Variants in MSMO1 observed in about 807,000 individuals in gnomAD.
The protein encoded by MSMO1 is methylsterol monooxygenase 1.
In MSMO1, 18 loss-of-function variants were observed where a neutral mutation model predicts 30.4. The observed-to-expected ratio is 0.59, with a 90% CI of 0.41 to 0.88. The LOEUF is 0.88. Among genes scored for constraint, MSMO1 ranks in the 40% least tolerant of loss-of-function variants. The probability of loss-of-function intolerance (pLI) is 0.00; values close to 1 mark genes in which losing one functional copy is unlikely to be tolerated. For synonymous variants in MSMO1, 84 were observed against 107.9 expected, an observed-to-expected ratio of 0.78 and a Z score of 1.37; for missense variants, 284 against 340.5, an observed-to-expected ratio of 0.83 and a Z score of 1.31.
intron 5 of MSMO1, among the ~76,000 whole-genome samples, chr4:165,340,868 T>G (rs1747696905): frequency 6.6e-6 from 1 of 152,194 alleles, no homozygotes; most frequent in Non-Finnish European, 1.5e-5. Context: ...TGTTCATTAT[T>G]TTTTAATTAT....
Position 165,340,208 on chromosome 4 carries a change from CTGTT to C in MSMO1, c.532-9_532-6del, listed in dbSNP as rs779059941. ...AGCTAAGAAATTAAGAATTTCTTATCTGTTTGTCTTAGGCTCCATTTGGAATGGA... is the reference window on the plus strand; with the variant it reads ...AGCTAAGAAATTAAGAATTTCTTATCTGTCTTAGGCTCCATTTGGAATGGA... On this transcript the variant is annotated splice_polypyrimidine_tract_variant and intron_variant, in intron 4 of 5. Transcript: ENST00000261507. The C allele has an allele frequency of 6.2e-7, 1 of 1,612,590 alleles. No individual in the cohort carries two copies. The highest frequency in any genetic ancestry group is 1.1e-5 in the South Asian group (1 of 91,030).
Position 165,333,380 on chromosome 4 carries a change from A to T in MSMO1, c.10A>T (p.Asn4Tyr), listed in dbSNP as rs1436599993. MAT[N>Y]ESVSIFSSAS... ...TGCAGAGATTTGAAAAATGGCAACA[A>T]ATGAAAGTGTCAGCATCTTTAGTTC... The change falls in exon 2 of 6, where the codon AAT (asparagine) becomes TAT (tyrosine). Residue 4 changes from asparagine to tyrosine, a missense_variant. Transcript: ENST00000261507. The T allele has an allele frequency of 6.2e-7, 1 of 1,611,826 alleles. No individual in the cohort carries two copies. The highest frequency in any genetic ancestry group is 8.5e-7 in the Non-Finnish European group (1 of 1,179,800).
chr4:165,331,131 C>A (rs1747376818), intron 1 of MSMO1, among the ~76,000 whole-genome samples: 1 of 151,728 alleles, frequency 6.6e-6, no homozygotes, highest in South Asian at 2.1e-4. Context: ...TAGGGTGACC[C>A]CTGTCTCCAC....
Position 165,337,938 on chromosome 4 carries a change from G to T in MSMO1, c.404+1G>T. 6.2e-7 allele frequency: 1 copy of T among 1,613,092 alleles called. No individual in the cohort carries two copies. The highest frequency in any genetic ancestry group is 1.3e-5 in the African/African-American group (1 of 74,982). On this transcript the variant is annotated splice_donor_variant, in intron 3 of 5. Transcript: ENST00000261507. LOFTEE classifies it high-confidence loss of function. ...ATGATTGGGAAAGAATGCCAAGATG[G>T]TACGTAGATAAAAATTTGGCTTTTA...
chr4:165,332,371 CTTAA>C (rs1419712087), intron 1 of MSMO1, among the ~76,000 whole-genome samples: 1 of 152,248 alleles, frequency 6.6e-6, no homozygotes, highest in East Asian at 1.9e-4. Context: ...TATGGAAGGA[CTTAA>C]TTTATTTAAC....
rs1747636093 is a variant in MSMO1 at position 165,338,859 on chromosome 4, TG to T, written c.531+83del. 3 of 1,201,578 alleles carry T rather than the reference TG, an allele frequency of 2.5e-6. No individual in the cohort carries two copies. The African/African-American group carries it at 4.6e-5, about 18-fold the overall frequency. 74.4% of individuals were successfully genotyped at this position (1,201,578 alleles called of 1,614,324 possible). A position where few individuals can be genotyped will look rare whatever the true frequency, so the allele number is the denominator to read the frequency against. On this transcript the variant is annotated intron_variant, in intron 4 of 5. Coordinates refer to ENST00000261507, the MANE Select transcript of MSMO1 (RefSeq NM_006745.5). ...TGCCTGAGCATTTTTCTAAAATTGT[TG>T]GTGACGTTTTTATTTTCTTTTCCTT...
At chr4:165,332,246 C>T (rs1293918634) in intron 1 of MSMO1, among the ~76,000 whole-genome samples, 1 of 152,182 alleles carries the variant, frequency 6.6e-6, no homozygotes, top group Non-Finnish European at 1.5e-5. Flanking sequence ...AAGTGGGGCT[C>T]TTGCTATGCA....
chr4:165,342,518 C>T lies in MSMO1; in HGVS notation c.*572C>T, dbSNP rs113426622. On this transcript the variant is annotated 3_prime_UTR_variant, in exon 6 of 6. Coordinates refer to ENST00000261507, the MANE Select transcript of MSMO1 (RefSeq NM_006745.5). ...GATTACAGGCACCCGCCACCACGCC[C>T]AGCTAATTTTTGTATTTTTGTAGAG... is the stretch of plus-strand genomic sequence containing the variant. 6.6e-6 allele frequency: 1 copy of T among 152,448 alleles called. No individual in the cohort carries two copies. The highest frequency in any genetic ancestry group is 1.5e-5 in the Non-Finnish European group (1 of 68,318). The allele number at this position is 152,448 out of a possible 1,614,324, so 9.4% of individuals were successfully genotyped here. A position where few individuals can be genotyped will look rare whatever the true frequency, so the allele number is the denominator to read the frequency against.
intron 4 of MSMO1, 105 bp downstream of exon 4, chr4:165,338,883 C>A: frequency 1.1e-6 from 1 of 920,286 alleles, no homozygotes. Flanking sequence ...TTTTCTTTTC[C>A]TTTGGCATGA....
At chr4:165,331,975 T>C (rs1002168904) in intron 1 of MSMO1, among the ~76,000 whole-genome samples, 5 of 151,626 alleles carry the variant, frequency 3.3e-5, no homozygotes, top group African/African-American at 1.2e-4. Flanking sequence ...GTCGCCACTC[T>C]GTCTTCCATA....
intron 2 of MSMO1, among the ~76,000 whole-genome samples, chr4:165,336,852 A>G (rs1269625531): frequency 1.3e-5 from 2 of 152,226 alleles, no homozygotes; most frequent in African/African-American, 4.8e-5. Flanking sequence ...AAGAATTTCA[A>G]GAACAGAGCT....
At chr4:165,339,096 C>CTT (rs869192459) in intron 4 of MSMO1, among the ~76,000 whole-genome samples, 18,545 of 59,732 alleles carry the variant, frequency 0.31, 5,012 homozygotes, top group East Asian at 0.62. Context: ...ATGAGCACTG[C>CTT]TTTTTTTTTT....
At chr4:165,341,453 A>G (rs1351307535) in intron 5 of MSMO1, among the ~76,000 whole-genome samples, 1 of 152,178 alleles carries the variant, frequency 6.6e-6, no homozygotes, top group Non-Finnish European at 1.5e-5. Flanking sequence ...AAGAAAATTA[A>G]TTCTTAAAAA....
intron 3 of MSMO1, among the ~76,000 whole-genome samples, chr4:165,338,253 A>T (rs114036250): frequency 0.035 from 5,286 of 151,116 alleles, 293 homozygotes; most frequent in African/African-American, 0.12. Flanking sequence ...ATATATGAGA[A>T]TCATTTATGA....
In MSMO1 at chr4:165,341,705, T is replaced by TTG. The variant is rs1364896433; in HGVS notation, c.687-45_687-44dup. 13 of 1,486,054 alleles carry TTG rather than the reference T, an allele frequency of 8.7e-6. No individual in the cohort carries two copies. The Admixed American group carries it at 1.0e-4, about 11-fold the overall frequency. The allele number at this position is 1,486,054 out of a possible 1,614,324, so 92.1% of individuals were successfully genotyped here. ...GATTATTAATAAAAACAACAATCATTTGAGATGTATTTATTCCTTAATAAT... is the reference window on the plus strand; with the variant it reads ...GATTATTAATAAAAACAACAATCATTTGTGAGATGTATTTATTCCTTAATAAT... On this transcript the variant is annotated intron_variant, in intron 5 of 5. Coordinates refer to ENST00000261507, the MANE Select transcript of MSMO1 (RefSeq NM_006745.5).
chr4:165,334,966 A>T (rs1747499795), intron 2 of MSMO1, among the ~76,000 whole-genome samples: 1 of 152,210 alleles, frequency 6.6e-6, no homozygotes, highest in African/African-American at 2.4e-5. Context: ...GAACATGTAC[A>T]GTCTTTTTTT....
chr4:165,340,012 T>G (rs1254090261), intron 4 of MSMO1, among the ~76,000 whole-genome samples: 1 of 152,200 alleles, frequency 6.6e-6, no homozygotes, highest in Non-Finnish European at 1.5e-5. Flanking sequence ...TTCAAATGAT[T>G]GGATGAAGCC....
chr4:165,336,237 A>T (rs919802765), intron 2 of MSMO1, among the ~76,000 whole-genome samples: 3 of 68,176 alleles, frequency 4.4e-5, no homozygotes, highest in African/African-American at 9.3e-5. Flanking sequence ...TATTTCTTTA[A>T]AAAAAAAAAA....
intron 1 of MSMO1, 114 bp from the exon 2 acceptor site, chr4:165,333,226 T>G: frequency 1.2e-6 from 1 of 832,576 alleles, no homozygotes; most frequent in Non-Finnish European, 1.8e-6. Context: ...GGTAAAAAAT[T>G]TATACTCCTT....
Sources: gnomAD v4.1 joint callset for allele counts (sites outside exome capture counted in the v4.1 genomes callset) on GRCh38, gnomAD v4.1.1 for gene constraint, MANE v1.5 for transcripts, NCBI Gene and HGNC (gene_info 2026-07-23, HGNC 2026-07-21) for gene names.